Variants in ARHGAP32 observed in about 807,000 individuals in gnomAD.
ARHGAP32 encodes rho GTPase-activating protein 32.
In ARHGAP32, 51 loss-of-function variants were observed where a neutral mutation model predicts 186.5. That is an observed-to-expected ratio of 0.27 (90% CI 0.22 to 0.35). The LOEUF (loss-of-function observed/expected upper bound fraction) is 0.35. Among genes scored for constraint, ARHGAP32 ranks in the 10% least tolerant of loss-of-function variants. ARHGAP32 has a pLI of 1.00. For missense variants in ARHGAP32, 2,186 were observed against 2,623.5 expected (o/e 0.83, Z 3.64); for synonymous variants, 950 against 964.3 (o/e 0.99, Z 0.27).
At chr11:129,160,480 C>A (rs181908019) in intron 2 of ARHGAP32, among the ~76,000 whole-genome samples, 1 of 152,138 alleles carries the variant, frequency 6.6e-6, no homozygotes, top group African/African-American at 2.4e-5. Context: ...AGAGCCAAAT[C>A]ATGAGTGAAC....
chr11:129,259,559 T>C (rs991662306), intron 1 of ARHGAP32, among the ~76,000 whole-genome samples: 1 of 150,592 alleles, frequency 6.6e-6, no homozygotes, highest in Non-Finnish European at 1.5e-5. Flanking sequence ...TGCCCAACAT[T>C]TAAGCAATGT....
chr11:129,056,201 GCAGGGGTATTA>G (rs1409995988), intron 10 of ARHGAP32, among the ~76,000 whole-genome samples: 2 of 152,144 alleles, frequency 1.3e-5, no homozygotes, highest in African/African-American at 4.8e-5. Flanking sequence ...AGGGGAGTGG[GCAGGGGTATTA>G]CATGAAACTC....
chr11:129,004,421 T>C (rs1305811375), intron 11 of ARHGAP32, among the ~76,000 whole-genome samples: 1 of 152,052 alleles, frequency 6.6e-6, no homozygotes, highest in East Asian at 1.9e-4. Flanking sequence ...AGGTCCTATG[T>C]TGATTTTCTG....
chr11:129,025,355 T>C (rs1463036579), intron 11 of ARHGAP32, among the ~76,000 whole-genome samples: 1 of 152,186 alleles, frequency 6.6e-6, no homozygotes. Flanking sequence ...GAACATAGAA[T>C]TGTTGATAAA....
intron 2 of ARHGAP32, among the ~76,000 whole-genome samples, chr11:129,125,361 T>A (rs1942636116): frequency 6.6e-6 from 1 of 152,092 alleles, no homozygotes. Context: ...ACAGTTTTCA[T>A]AGTGGTGAAT....
intron 1 of ARHGAP32, among the ~76,000 whole-genome samples, chr11:129,170,615 G>C (rs1591668494): frequency 6.6e-6 from 1 of 152,152 alleles, no homozygotes; most frequent in Non-Finnish European, 1.5e-5. Context: ...TGTCTCTGCT[G>C]TTGTAAACAG....
intron 1 of ARHGAP32, among the ~76,000 whole-genome samples, chr11:129,269,529 C>G (rs776226500): frequency 6.6e-6 from 1 of 152,062 alleles, no homozygotes. Flanking sequence ...GAGTTTGACA[C>G]CAGCCTGGAC....
intron 1 of ARHGAP32, among the ~76,000 whole-genome samples, chr11:129,184,423 AT>A (rs1944115813): frequency 6.6e-6 from 1 of 152,196 alleles, no homozygotes; most frequent in Non-Finnish European, 1.5e-5. Flanking sequence ...TAAATTTATT[AT>A]AAAAATACCT....
chr11:129,174,502 T>C lies in ARHGAP32; in HGVS notation c.117-10075A>G, dbSNP rs547514974. ...CCTCTGGGGGCAGGGCACAGACAAATAAAAAGACAGCAGTAACCTCTGCAG... is the reference window on the plus strand; with the variant it reads ...CCTCTGGGGGCAGGGCACAGACAAACAAAAAGACAGCAGTAACCTCTGCAG... On this transcript the variant is annotated intron_variant, in intron 1 of 22. Transcript: ENST00000682385. Among the ~76,000 whole-genome samples, 321 of 152,196 alleles carry C rather than the reference T, an allele frequency of 2.1e-3. 3 individuals carry two copies. Among genetic ancestry groups the C allele is most frequent in the Middle Eastern group, 3.4e-3 (1 of 294 alleles).
chr11:129,209,223 A>G (rs967257), intron 1 of ARHGAP32, among the ~76,000 whole-genome samples: 42,276 of 151,968 alleles, frequency 0.28, 6,212 homozygotes, highest in Middle Eastern at 0.4. Flanking sequence ...TATCTTTGAA[A>G]GTGTCAAGCT....
At chr11:129,092,420 T>G (rs1023289599) in intron 6 of ARHGAP32, among the ~76,000 whole-genome samples, 3 of 151,946 alleles carry the variant, frequency 2.0e-5, no homozygotes, top group Admixed American at 6.5e-5. Context: ...TTTTCATCCA[T>G]CTATTAGTAA....
intron 11 of ARHGAP32, among the ~76,000 whole-genome samples, chr11:129,002,805 A>AT (rs36036048): frequency 0.15 from 16,041 of 107,606 alleles, 1,751 homozygotes; most frequent in Non-Finnish European, 0.17. Flanking sequence ...AGGGATGTTG[A>AT]TTTTTTTTTT....
At chr11:129,260,855 T>G (rs996635450) in intron 1 of ARHGAP32, among the ~76,000 whole-genome samples, 5 of 152,190 alleles carry the variant, frequency 3.3e-5, no homozygotes, top group Non-Finnish European at 5.9e-5. Flanking sequence ...ATAACTTTTT[T>G]AGCAGCTAGG....
intron 6 of ARHGAP32, among the ~76,000 whole-genome samples, chr11:129,083,441 G>T (rs1196495731): frequency 6.6e-6 from 1 of 152,172 alleles, no homozygotes; most frequent in African/African-American, 2.4e-5. Context: ...TGGAGTTGAA[G>T]ACCATTATTC....
intron 1 of ARHGAP32, among the ~76,000 whole-genome samples, chr11:129,276,891 G>A (rs899881839): frequency 6.6e-6 from 1 of 152,194 alleles, no homozygotes; most frequent in African/African-American, 2.4e-5. Flanking sequence ...CAGCTACTAT[G>A]GGGCAGAACT....
intron 15 of ARHGAP32, 145 bp downstream of exon 15, chr11:128,985,858 G>GTGTGTATA (rs760311247): frequency 2.9e-3 from 276 of 95,946 alleles, no homozygotes; most frequent in Middle Eastern, 5.1e-3. Context: ...GTGTGTGTGT[G>GTGTGTATA]TATATATATA....
intron 11 of ARHGAP32, among the ~76,000 whole-genome samples, chr11:129,018,507 A>T (rs1261339992): frequency 6.6e-6 from 1 of 152,232 alleles, no homozygotes; most frequent in African/African-American, 2.4e-5. Flanking sequence ...CAAGAGTTGT[A>T]AAACTAAACT....
At chr11:129,240,053 T>C (rs1180808950) in intron 1 of ARHGAP32, among the ~76,000 whole-genome samples, 2 of 152,138 alleles carry the variant, frequency 1.3e-5, no homozygotes, top group East Asian at 3.9e-4. Flanking sequence ...TTTCATTTTT[T>C]TTTTCTGAGA....
chr11:129,116,346 C>G (rs1942369795), intron 5 of ARHGAP32, among the ~76,000 whole-genome samples: 1 of 152,024 alleles, frequency 6.6e-6, no homozygotes, highest in Non-Finnish European at 1.5e-5. Flanking sequence ...ACTGAATAAT[C>G]TCAAACGAGA....
Sources: allele counts gnomAD v4.1 joint callset (sites outside exome capture counted in the v4.1 genomes callset), GRCh38; gene constraint gnomAD v4.1.1; transcripts MANE v1.5; gene names NCBI Gene and HGNC (gene_info 2026-07-23, HGNC 2026-07-21).